LARS2: variants seen among roughly 807,000 people sequenced by gnomAD.
LARS2 encodes leucyl-tRNA synthetase 2, mitochondrial.
Under a neutral mutation model 116.6 loss-of-function variants are expected in LARS2, and 81 were observed. The observed-to-expected ratio is 0.69, with a 90% CI of 0.58 to 0.84. The LOEUF is 0.84. Ranked by LOEUF, LARS2 falls within the 40% of genes least tolerant of loss-of-function variation. The pLI is 0.00. For missense variants in LARS2, 968 were observed against 1,114.5 expected (o/e 0.87, Z 1.87); for synonymous variants, 396 against 407.2 (o/e 0.97, Z 0.33).
In LARS2 at chr3:45,388,612, G is replaced by T. The variant is rs577271414; in HGVS notation, c.-156G>T. The T allele has an allele frequency of 6.6e-6, 1 of 152,448 alleles. No homozygotes were observed. Among genetic ancestry groups the T allele is most frequent in the East Asian group, 1.9e-4 (1 of 5,170 alleles). 9.4% of individuals were successfully genotyped at this position (152,448 alleles called of 1,614,324 possible). On this transcript the variant is annotated 5_prime_UTR_variant, in exon 1 of 22. Coordinates refer to ENST00000645846, the MANE Select transcript of LARS2 (RefSeq NM_015340.4). ...AACATGGCGGCGCCCATGGTCCGTGGCCCGGCAGTGCTCGCCTAAAGGTGG... is the reference window on the plus strand; with the variant it reads ...AACATGGCGGCGCCCATGGTCCGTGTCCCGGCAGTGCTCGCCTAAAGGTGG...
intron 8 of LARS2, 27 bp downstream of exon 8, chr3:45,458,913 C>T: frequency 6.2e-7 from 1 of 1,612,248 alleles, no homozygotes; most frequent in African/African-American, 1.3e-5. Context: ...AGGCTCCCCA[C>T]TAATGCCTTA....
At chr3:45,410,024 T>A (rs1196444221) in intron 4 of LARS2, among the ~76,000 whole-genome samples, 1 of 152,254 alleles carries the variant, frequency 6.6e-6, no homozygotes, top group African/African-American at 2.4e-5. Flanking sequence ...CTGGTTTTTG[T>A]GACAGTCTCT....
chr3:45,520,603 C>T (rs993039564), intron 19 of LARS2, among the ~76,000 whole-genome samples: 5 of 152,080 alleles, frequency 3.3e-5, no homozygotes, highest in African/African-American at 9.7e-5. Flanking sequence ...CTCAGGCCTC[C>T]CTGTCTTCTG....
At chr3:45,500,294 G>T (rs921246704) in intron 14 of LARS2, 148 bp from the exon 15 acceptor site, 2 of 801,412 alleles carry the variant, frequency 2.5e-6, no homozygotes, top group East Asian at 6.5e-5. Context: ...GAGCCACCGC[G>T]CCCGGCCTTC....
At chr3:45,469,890 A>G (rs1699492270) in intron 8 of LARS2, among the ~76,000 whole-genome samples, 1 of 152,230 alleles carries the variant, frequency 6.6e-6, no homozygotes, top group African/African-American at 2.4e-5. Flanking sequence ...TCATAATTCA[A>G]AAATAATTGC....
intron 6 of LARS2, among the ~76,000 whole-genome samples, chr3:45,420,700 C>T (rs1048646935): frequency 1.6e-4 from 24 of 152,114 alleles, no homozygotes; most frequent in South Asian, 2.1e-4. Context: ...GAATGAAATA[C>T]GGTCACAGGC....
chr3:45,498,374 C>T (rs567556642), intron 14 of LARS2, among the ~76,000 whole-genome samples: 4 of 152,218 alleles, frequency 2.6e-5, no homozygotes, highest in Non-Finnish European at 5.9e-5. Context: ...CTTAATATAT[C>T]CCAAACTTGT....
intron 6 of LARS2, among the ~76,000 whole-genome samples, chr3:45,420,751 A>T (rs1041436097): frequency 1.3e-5 from 2 of 152,124 alleles, no homozygotes; most frequent in Non-Finnish European, 2.9e-5. Context: ...TCAGGATGAG[A>T]GTGTTGACTC....
At chr3:45,442,134 T>G (rs1449878385) in intron 6 of LARS2, among the ~76,000 whole-genome samples, 4 of 152,200 alleles carry the variant, frequency 2.6e-5, no homozygotes, top group Non-Finnish European at 4.4e-5. Context: ...AATGGTGCAT[T>G]AACGTAGGCG....
intron 15 of LARS2, 47 bp downstream of exon 15, chr3:45,500,626 C>G: frequency 1.4e-6 from 2 of 1,397,858 alleles, no homozygotes; most frequent in Non-Finnish European, 1.9e-6. Context: ...CCATGAATAG[C>G]AACTTTAAGC....
chr3:45,513,482 G>T (rs1231488417), intron 16 of LARS2, among the ~76,000 whole-genome samples: 1 of 152,184 alleles, frequency 6.6e-6, no homozygotes, highest in Non-Finnish European at 1.5e-5. Context: ...CTTCTGGCAG[G>T]GTTTTCATTT....
At position 45,516,074 on chromosome 3, in the gene LARS2, T is replaced by C; in HGVS notation, c.1862-20T>C. On this transcript the variant is annotated intron_variant, in intron 16 of 21. Coordinates refer to ENST00000645846, the MANE Select transcript of LARS2 (RefSeq NM_015340.4). ...TTCACAATGACACATACCATACCTA[T>C]GGATTATTTTGGCATCTAGGTTCCG... The C allele has an allele frequency of 1.2e-6, 2 of 1,606,042 alleles. No individual in the cohort carries two copies. Among genetic ancestry groups the C allele is most frequent in the Non-Finnish European group, 1.7e-6 (2 of 1,173,312 alleles).
chr3:45,400,123 CTT>C (rs1698118622), intron 3 of LARS2, 120 bp from the exon 4 acceptor site: 2 of 973,540 alleles, frequency 2.1e-6, no homozygotes, highest in African/African-American at 1.6e-5. Flanking sequence ...TGGGAACACT[CTT>C]TTTAAAAGGA....
chr3:45,518,230 A>G (rs924552821), intron 18 of LARS2, among the ~76,000 whole-genome samples, 158 bp downstream of exon 18: 18 of 152,038 alleles, frequency 1.2e-4, no homozygotes, highest in African/African-American at 3.9e-4. Flanking sequence ...GATTGGCCCT[A>G]CTGTTTTGGG....
At chr3:45,504,425 T>C (rs982646731) in intron 15 of LARS2, among the ~76,000 whole-genome samples, 23 of 152,058 alleles carry the variant, frequency 1.5e-4, no homozygotes, top group African/African-American at 5.1e-4. Flanking sequence ...ATGCATGGAT[T>C]AAAAGAAGTC....
chr3:45,519,993 C>T (rs925534819), intron 18 of LARS2, among the ~76,000 whole-genome samples: 2 of 151,994 alleles, frequency 1.3e-5, no homozygotes, highest in Non-Finnish European at 2.9e-5. Context: ...CCAACAGTAT[C>T]CCAGATATGT....
intron 15 of LARS2, among the ~76,000 whole-genome samples, chr3:45,505,903 A>T (rs1700194485): frequency 6.6e-6 from 1 of 152,062 alleles, no homozygotes; most frequent in South Asian, 2.1e-4. Context: ...ACAATAGTTT[A>T]AGACTATATT....
chr3:45,427,573 A>G (rs1335426984), intron 6 of LARS2, among the ~76,000 whole-genome samples: 1 of 152,208 alleles, frequency 6.6e-6, no homozygotes, highest in Non-Finnish European at 1.5e-5. Context: ...CAAATACAAG[A>G]CTTACTTTTA....
chr3:45,407,471 C>T (rs989058726), intron 4 of LARS2, among the ~76,000 whole-genome samples: 2 of 152,194 alleles, frequency 1.3e-5, no homozygotes. Context: ...CACATTCCTC[C>T]ACATTCCCAG....
Sources: gnomAD v4.1 joint callset for allele counts (sites outside exome capture counted in the v4.1 genomes callset) on GRCh38, gnomAD v4.1.1 for gene constraint, MANE v1.5 for transcripts, NCBI Gene and HGNC (gene_info 2026-07-23, HGNC 2026-07-21) for gene names.